HIVEP2: variants seen among roughly 807,000 people sequenced by gnomAD.
HIVEP2 encodes the protein HIVEP zinc finger 2.
HIVEP2 carries 14 observed loss-of-function variants against 180.7 expected under a neutral mutation model. The ratio of observed to expected loss-of-function variants is 0.08; its 90% CI spans 0.05 to 0.12. HIVEP2 has a LOEUF of 0.12. Among genes scored for constraint, HIVEP2 ranks in the 10% least tolerant of loss-of-function variants. The pLI is 1.00. For missense variants in HIVEP2, 2,579 were observed against 3,008.5 expected (o/e 0.86, Z 3.34); for synonymous variants, 1,184 against 1,136.4 (o/e 1.04, Z -0.84).
intron 1 of HIVEP2, among the ~76,000 whole-genome samples, chr6:142,840,724 C>T (rs1334654711): frequency 6.6e-6 from 1 of 152,008 alleles, no homozygotes; most frequent in African/African-American, 2.4e-5. Flanking sequence ...ATTTTCAGTA[C>T]CACCAATACT....
Position 142,774,491 on chromosome 6 carries a change from T to A in HIVEP2, c.248A>T (p.Gln83Leu). ...SEVVQQVAEK[Q>L]YPPHRPSPYS... Reference sequence around the variant, plus strand: ...AGGACTCGGACGATGCGGTGGATATTGCTTCTCTGCGACTTGCTGCACCAC... The same window carrying A: ...AGGACTCGGACGATGCGGTGGATATAGCTTCTCTGCGACTTGCTGCACCAC... The change falls in exon 5 of 10, where the codon CAA becomes CTA. Residue 83 changes from glutamine (Q) to leucine (L), a missense_variant. By Grantham distance (113) the Gln-to-Leu change is moderately radical (BLOSUM62 -2). Coordinates refer to ENST00000367603, the MANE Select transcript of HIVEP2 (RefSeq NM_006734.4). This position sits in a 1 kb window ranked among gnomAD's most constrained non-coding sequence, Gnocchi z 5.1. 2 of 1,614,088 alleles carry A rather than the reference T, an allele frequency of 1.2e-6. No individual in the cohort carries two copies. The highest frequency in any genetic ancestry group is 1.1e-5 in the South Asian group (1 of 91,078).
intron 1 of HIVEP2, among the ~76,000 whole-genome samples, chr6:142,883,780 A>G (rs1031275544): frequency 6.6e-6 from 1 of 152,158 alleles, no homozygotes; most frequent in African/African-American, 2.4e-5. Flanking sequence ...TTCTAATTAG[A>G]TGCATTGTGA....
intron 1 of HIVEP2, among the ~76,000 whole-genome samples, chr6:142,863,340 T>C (rs1582923106): frequency 6.6e-6 from 1 of 152,008 alleles, no homozygotes; most frequent in South Asian, 2.1e-4. Flanking sequence ...CTTTTGTATC[T>C]GCCTTGTCCA....
chr6:142,890,361 G>A (rs1048492220), intron 1 of HIVEP2, among the ~76,000 whole-genome samples: 6 of 152,192 alleles, frequency 3.9e-5, no homozygotes, highest in Admixed American at 6.5e-5. Context: ...CTTTTATTGC[G>A]TGTACTTCTT....
chr6:142,926,657 C>A (rs1777818451), intron 1 of HIVEP2, among the ~76,000 whole-genome samples: 1 of 152,168 alleles, frequency 6.6e-6, no homozygotes, highest in Non-Finnish European at 1.5e-5. Flanking sequence ...CAGGGAGGTG[C>A]CAGTGCTGTG....
chr6:142,778,511 T>G (rs1392118487), intron 3 of HIVEP2, among the ~76,000 whole-genome samples: 1 of 152,192 alleles, frequency 6.6e-6, no homozygotes, highest in Non-Finnish European at 1.5e-5. Flanking sequence ...CTAAGTTATT[T>G]TTCAGATTTA....
At chr6:142,897,696 C>T (rs1289901777) in intron 1 of HIVEP2, among the ~76,000 whole-genome samples, 1 of 152,168 alleles carries the variant, frequency 6.6e-6, no homozygotes, top group African/African-American at 2.4e-5. Flanking sequence ...TGGGTTCTAA[C>T]ATAACTGGAA....
At chr6:142,910,648 C>A (rs1777378883) in intron 1 of HIVEP2, among the ~76,000 whole-genome samples, 1 of 152,128 alleles carries the variant, frequency 6.6e-6, no homozygotes, top group African/African-American at 2.4e-5. Context: ...ACAACAACAA[C>A]AAACCTACAC....
In HIVEP2 at chr6:142,855,420, T is replaced by C. The variant is rs572861608; in HGVS notation, c.-640-18373A>G. Among the ~76,000 whole-genome samples, 8 of 152,336 alleles carry C rather than the reference T, an allele frequency of 5.3e-5. No individual in the cohort carries two copies. The South Asian group carries it at 1.2e-3, about 24-fold the overall frequency. ...AGTAACCGTCATCCCCAGAGCACCA[T>C]CTTATCATTAGGAAGGACAGAAGAA... is the stretch of plus-strand genomic sequence containing the variant. On this transcript the variant is annotated intron_variant, in intron 1 of 9. Coordinates refer to ENST00000367603, the MANE Select transcript of HIVEP2 (RefSeq NM_006734.4).
At chr6:142,861,294 C>T (rs1401798291) in intron 1 of HIVEP2, among the ~76,000 whole-genome samples, 4 of 152,132 alleles carry the variant, frequency 2.6e-5, no homozygotes, top group Non-Finnish European at 5.9e-5. Context: ...ATGGCCTTCC[C>T]CTGTATGATT....
rs532536817 is a variant in HIVEP2, at chr6:142,884,139, C to T, written c.-640-47092G>A. ...AAAACAGATAAAAGTTTTAAAATCT[C>T]TTTTTCCACTAGGGCTTTTTTATCC... On this transcript the variant is annotated intron_variant, in intron 1 of 9. Coordinates refer to ENST00000367603, the MANE Select transcript of HIVEP2 (RefSeq NM_006734.4). Among the ~76,000 whole-genome samples the T allele has an allele frequency of 6.6e-5, 10 of 152,224 alleles. No homozygotes were observed. The South Asian group carries it at 2.1e-3, about 32-fold the overall frequency.
rs771126610 is a variant in HIVEP2 at position 142,774,156 on chromosome 6, T to G, written c.583A>C (p.Ser195Arg). 3.1e-6 allele frequency: 5 copies of G among 1,614,068 alleles called. No homozygotes were observed. The highest frequency in any genetic ancestry group is 4.2e-6 in the Non-Finnish European group (5 of 1,180,058). ...ACACTAGGTTTGGCACACGCTCTGC[T>G]GCAGTAAGGGCAAATGTACTTGCCA... ...KPGKYICPYC[S>R]RACAKPSVLK... The change falls in exon 5 of 10, where the codon AGC (serine) becomes CGC (arginine). Residue 195 changes from serine (S) to arginine (R), a missense_variant. Ser to Arg is a moderately radical substitution (Grantham distance 110). This residue lies in a region of HIVEP2 where 26 missense variants were observed against 76.9 expected (regional missense o/e 0.34). Transcript: ENST00000367603. The surrounding 1 kb of genome is among the most constrained non-coding windows in gnomAD (Gnocchi z 5.1).
intron 1 of HIVEP2, among the ~76,000 whole-genome samples, chr6:142,912,067 TGTGCTATCCAGTATG>T (rs1562289503): frequency 6.6e-6 from 1 of 152,258 alleles, no homozygotes; most frequent in Admixed American, 6.5e-5. Flanking sequence ...TTCCTCTGGC[TGTGCTATCCAGTATG>T]GTAGGCACTA....
intron 1 of HIVEP2, among the ~76,000 whole-genome samples, chr6:142,884,346 TAA>T (rs1353608697): frequency 6.6e-6 from 1 of 152,070 alleles, no homozygotes; most frequent in Admixed American, 6.6e-5. Flanking sequence ...GCCAAATCAA[TAA>T]GTGTCTTTAA....
In HIVEP2 at chr6:142,896,434, G is replaced by A. The variant is rs1476548696; in HGVS notation, c.-641+48665C>T. Reference sequence around the variant, plus strand: ...ACTCAATTTGGTTCACTGGTTTTTCGGTCCCTATGTAATCTAGAGGGGCTG... The same window carrying A: ...ACTCAATTTGGTTCACTGGTTTTTCAGTCCCTATGTAATCTAGAGGGGCTG... On this transcript the variant is annotated intron_variant, in intron 1 of 9. Transcript: ENST00000367603. Among the ~76,000 whole-genome samples the A allele has an allele frequency of 2.6e-5, 4 of 151,994 alleles. No homozygotes were observed. The East Asian group carries it at 5.8e-4, about 22-fold the overall frequency.
chr6:142,908,275 T>C (rs1054923086), intron 1 of HIVEP2, among the ~76,000 whole-genome samples: 4 of 152,230 alleles, frequency 2.6e-5, no homozygotes, highest in Non-Finnish European at 4.4e-5. Flanking sequence ...GTAACATATG[T>C]CCATCTTCCA....
chr6:142,761,002 G>A (rs1775219339), intron 8 of HIVEP2, among the ~76,000 whole-genome samples: 1 of 152,218 alleles, frequency 6.6e-6, no homozygotes, highest in Non-Finnish European at 1.5e-5. Flanking sequence ...GCAACAACCT[G>A]TCTCTGCAAG....
intron 1 of HIVEP2, among the ~76,000 whole-genome samples, chr6:142,842,874 C>T (rs1775404709): frequency 6.6e-6 from 1 of 152,160 alleles, no homozygotes; most frequent in South Asian, 2.1e-4. Context: ...AATACAAATA[C>T]AGTCCTGGTG....
intron 1 of HIVEP2, among the ~76,000 whole-genome samples, chr6:142,944,268 G>A (rs1778246908): frequency 6.6e-6 from 1 of 151,608 alleles, no homozygotes; most frequent in Non-Finnish European, 1.5e-5. Flanking sequence ...CACTGGATGT[G>A]TTATGTAAGA....
Sources: gnomAD v4.1 joint callset for allele counts (sites outside exome capture counted in the v4.1 genomes callset) on GRCh38, gnomAD v4.1.1 for gene constraint, gnomAD v4.1.1 regional missense constraint, Gnocchi (gnomAD v3.1) non-coding constraint, MANE v1.5 for transcripts, NCBI Gene and HGNC (gene_info 2026-07-23, HGNC 2026-07-21) for gene names.